The following PRKCD variants were observed in gnomAD, a reference collection of about 807,000 sequenced individuals.
PRKCD encodes the protein protein kinase C delta type.
PRKCD carries 20 observed loss-of-function variants against 82.2 expected under a neutral mutation model. The ratio of observed to expected loss-of-function variants is 0.24; its 90% CI spans 0.17 to 0.35. The LOEUF (loss-of-function observed/expected upper bound fraction) is 0.35. PRKCD is among the 10% of genes least tolerant of loss of function. The pLI is 1.00. For synonymous variants in PRKCD, 317 were observed against 337.0 expected (o/e 0.94, Z 0.65); for missense variants, 607 against 899.0 (o/e 0.68, Z 4.15).
At chr3:53,161,584 GT>G (rs1702661371) in intron 1 of PRKCD, 156 bp downstream of exon 1, 1 of 151,558 alleles carries the variant, frequency 6.6e-6, no homozygotes, top group African/African-American at 2.4e-5. Context: ...CGGTGACTCC[GT>G]CCCCCTGTCC....
At chr3:53,185,822 C>A in intron 11 of PRKCD, 105 bp from the exon 12 acceptor site, 3 of 1,515,306 alleles carry the variant, frequency 2.0e-6, no homozygotes, top group Non-Finnish European at 2.8e-6. Context: ...GGGGAGCGAG[C>A]CCCTTCCTCT....
At chr3:53,181,302 C>A (rs374351429) in intron 5 of PRKCD, 35 bp downstream of exon 5, 2 of 1,611,772 alleles carry the variant, frequency 1.2e-6, no homozygotes, top group South Asian at 2.2e-5. Context: ...GCTCCCTTGC[C>A]GGGTTCAGAG....
intron 4 of PRKCD, 30 bp downstream of exon 4, chr3:53,179,806 G>GTGTA (rs1553666944): frequency 6.5e-7 from 1 of 1,548,950 alleles, no homozygotes; most frequent in South Asian, 1.2e-5. Flanking sequence ...TGCCGTGTGT[G>GTGTA]TGTGTGTGTG....
In PRKCD at chr3:53,181,275, C is replaced by T. The variant is rs551678134; in HGVS notation, c.376+8C>T. 1.9e-6 allele frequency: 3 copies of T among 1,613,528 alleles called. No individual in the cohort carries two copies. The highest frequency in any genetic ancestry group is 2.7e-5 in the African/African-American group (2 of 74,882). ...ATTTCCTGGAGGACGTGGGTAAGAA[C>T]TCCCTGGGGGTGGAGGGCTCCCTTG... On this transcript the variant is annotated splice_region_variant and intron_variant, in intron 5 of 18. Transcript: ENST00000330452.
chr3:53,168,626 G>A (rs1430631676), intron 2 of PRKCD, among the ~76,000 whole-genome samples: 5 of 151,956 alleles, frequency 3.3e-5, no homozygotes, highest in African/African-American at 4.8e-5. Context: ...GGCAGATCAC[G>A]GGGTGTGGTG....
Position 53,184,854 on chromosome 3 carries a change from C to T in PRKCD, c.788-20C>T. On this transcript the variant is annotated intron_variant, in intron 9 of 18. Coordinates refer to ENST00000330452, the MANE Select transcript of PRKCD (RefSeq NM_006254.4). ...TGGCTGAGCTCTGAGACTGACAGCCCCGCTTCTCCCTCACCCCAGACTGCG... is the reference window on the plus strand; with the variant it reads ...TGGCTGAGCTCTGAGACTGACAGCCTCGCTTCTCCCTCACCCCAGACTGCG... 14 of 1,611,630 alleles carry T rather than the reference C, an allele frequency of 8.7e-6. No individual in the cohort carries two copies. Among genetic ancestry groups the T allele is most frequent in the Non-Finnish European group, 1.2e-5 (14 of 1,177,980 alleles).
chr3:53,181,627 C>G, intron 6 of PRKCD, 21 bp downstream of exon 6: 6 of 1,614,144 alleles, frequency 3.7e-6, no homozygotes, highest in East Asian at 2.2e-5. Context: ...GCCATGCCCA[C>G]TGGTGGTGGT....
rs782288849 is a variant in PRKCD at position 53,187,351 on chromosome 3, C to G, written c.1364C>G (p.Ala455Gly). ...TCTCTCTTGCCCAGGTTTTATGCCGCTGAGATAATGTGTGGACTGCAGTTT... is the reference window on the plus strand; with the variant it reads ...TCTCTCTTGCCCAGGTTTTATGCCGGTGAGATAATGTGTGGACTGCAGTTT... ...FELYRATFYAAEIMCGLQFLH... is the reference protein window; with the variant it reads ...FELYRATFYAGEIMCGLQFLH... The change falls in exon 15 of 19, where the codon GCT becomes GGT. Residue 455 changes from alanine to glycine, a missense_variant. By Grantham distance (60) the Ala-to-Gly change is moderately conservative. Around this residue, in one of 5 missense-constraint regions of PRKCD, gnomAD observed 251 missense variants for 423.9 expected, o/e 0.59. Transcript: ENST00000330452. 5 of 1,614,106 alleles carry G rather than the reference C, an allele frequency of 3.1e-6. No individual in the cohort carries two copies. The Admixed American group carries it at 8.3e-5, about 27-fold the overall frequency.
In PRKCD at chr3:53,181,490, G is replaced by A. The variant is rs782399164; in HGVS notation, c.423G>A (p.Thr141=). Residue 141 remains threonine, a synonymous_variant, in exon 6 of 19, where the codon ACG becomes ACA. Transcript: ENST00000330452. ...MRSEDEAKFP[T]MNRRGAIKQA... is the part of the protein sequence containing the mutation. ...GTGAGGACGAGGCCAAGTTCCCAAC[G>A]ATGAACCGCCGCGGAGCCATCAAAC... 1.9e-6 allele frequency: 3 copies of A among 1,614,212 alleles called. No individual in the cohort carries two copies. The highest frequency in any genetic ancestry group is 8.5e-7 in the Non-Finnish European group (1 of 1,180,042).
At chr3:53,189,756 A>C (rs540459885) in intron 17 of PRKCD, 117 bp from the exon 18 acceptor site, 3 of 1,454,450 alleles carry the variant, frequency 2.1e-6, no homozygotes, top group Non-Finnish European at 2.8e-6. Context: ...ACCGTTCCCC[A>C]GGCTGACTGG....
rs1575542392 is a variant in PRKCD, at chr3:53,186,688, C to T, written c.1345C>T (p.Arg449Cys). 4 of 1,613,416 alleles carry T rather than the reference C, an allele frequency of 2.5e-6. No homozygotes were observed. Among genetic ancestry groups the T allele is most frequent in the Non-Finnish European group, 3.4e-6 (4 of 1,179,460 alleles). ...GGACAAAGGCCGCTTTGAACTCTACCGTGCCACGTACGTAAGGGCCATGGT... is the reference window on the plus strand; with the variant it reads ...GGACAAAGGCCGCTTTGAACTCTACTGTGCCACGTACGTAAGGGCCATGGT... ...IQDKGRFELY[R>C]ATFYAAEIMC... Residue 449 changes from arginine (R) to cysteine (C), a missense_variant, in exon 14 of 19, where the codon CGT (arginine) becomes TGT (cysteine). Around this residue, in one of 5 missense-constraint regions of PRKCD, gnomAD observed 251 missense variants for 423.9 expected, o/e 0.59. Transcript: ENST00000330452.
intron 4 of PRKCD, among the ~76,000 whole-genome samples, chr3:53,180,138 T>C (rs556487734): frequency 1.3e-5 from 2 of 152,380 alleles, no homozygotes; most frequent in Non-Finnish European, 2.9e-5. Flanking sequence ...AACTTCCTTA[T>C]TGTGACTACT....
chr3:53,167,916 G>A (rs1392389936), intron 2 of PRKCD, among the ~76,000 whole-genome samples: 1 of 152,236 alleles, frequency 6.6e-6, no homozygotes, highest in Non-Finnish European at 1.5e-5. Flanking sequence ...AGGAGCTCCT[G>A]TTGGAGCAGC....
At chr3:53,180,520 A>G (rs1197368483) in intron 4 of PRKCD, among the ~76,000 whole-genome samples, 3 of 152,216 alleles carry the variant, frequency 2.0e-5, no homozygotes, top group African/African-American at 7.2e-5. Flanking sequence ...TGTAACCAAG[A>G]TGTCTCCACC....
rs141615361 is a variant in PRKCD, at chr3:53,178,527, G to A, written c.105G>A (p.Ala35=). ...QPFCAVKMKE[A]LSTERGKTLV... ...TCTGTGCCGTGAAGATGAAGGAGGC[G>A]CTCAGCACAGGTAGGCCTGGAGGCT... Residue 35 remains alanine (A), a synonymous_variant, in exon 3 of 19, where the codon GCG becomes GCA. Transcript: ENST00000330452. 239 of 1,612,476 alleles carry A rather than the reference G, an allele frequency of 1.5e-4. No homozygotes were observed. The highest frequency in any genetic ancestry group is 1.9e-4 in the Non-Finnish European group (222 of 1,179,516).
chr3:53,188,112 C>A (rs60290287), intron 15 of PRKCD, among the ~76,000 whole-genome samples: 31 of 131,134 alleles, frequency 2.4e-4, no homozygotes, highest in African/African-American at 7.7e-4. Flanking sequence ...TGCTTGAACC[C>A]GGGAGGCGGA....
Position 53,185,676 on chromosome 3 carries a change from G to A in PRKCD, c.961G>A (p.Gly321Arg), listed in dbSNP as rs372047510. ...ATATCAGGGTTTCGAGAAGAAGACC[G>A]GAGTTGCTGGGGAGGACATGCAAGG... ...GIYQGFEKKTGVAGEDMQDNS... is the reference protein window; with the variant it reads ...GIYQGFEKKTRVAGEDMQDNS... The change falls in exon 11 of 19, where the codon GGA (glycine) becomes AGA (arginine). Residue 321 changes from glycine (G) to arginine (R), a missense_variant. By Grantham distance (125) the Gly-to-Arg change is moderately radical (BLOSUM62 -2). Transcript: ENST00000330452. The A allele has an allele frequency of 2.8e-5, 45 of 1,612,304 alleles. No homozygotes were observed. The highest frequency in any genetic ancestry group is 8.8e-5 in the South Asian group (8 of 91,092).
intron 9 of PRKCD, 98 bp downstream of exon 9, chr3:53,183,679 G>C: frequency 6.7e-7 from 1 of 1,503,348 alleles, no homozygotes; most frequent in African/African-American, 1.4e-5. Context: ...TCCTCACCTG[G>C]AGACGGGCAC....
intron 13 of PRKCD, 125 bp downstream of exon 13, chr3:53,186,465 C>A: frequency 8.0e-7 from 1 of 1,255,220 alleles, no homozygotes; most frequent in South Asian, 1.3e-5. Context: ...TTTCCCCCCT[C>A]ATGCCTCCCA....
Sources: allele counts gnomAD v4.1 joint callset (sites outside exome capture counted in the v4.1 genomes callset), GRCh38; gene constraint gnomAD v4.1.1; regional missense constraint gnomAD v4.1.1; transcripts MANE v1.5; gene names NCBI Gene and HGNC (gene_info 2026-07-23, HGNC 2026-07-21).